The following IRGM variants were observed in gnomAD, a reference collection of about 807,000 sequenced individuals.
The protein encoded by IRGM is immunity related GTPase M.
For missense variants in IRGM, 288 were observed against 219.9 expected (o/e 1.31, Z -1.96); for synonymous variants, 98 against 80.6 (o/e 1.22, Z -1.16).
At chr5:150,880,412 T>G (rs1475693798) in intron 3 of IRGM, among the ~76,000 whole-genome samples, 1 of 152,206 alleles carries the variant, frequency 6.6e-6, no homozygotes, top group African/African-American at 2.4e-5. Flanking sequence ...TTTTAGTAAA[T>G]CTTTCTCTCC....
At chr5:150,890,161 A>C (rs2113298863) in intron 3 of IRGM, among the ~76,000 whole-genome samples, 1 of 152,136 alleles carries the variant, frequency 6.6e-6, no homozygotes, top group African/African-American at 2.4e-5. Flanking sequence ...GAATTTGATA[A>C]GGTTTTACAC....
chr5:150,866,589 A>G (rs935200777), intron 1 of IRGM, among the ~76,000 whole-genome samples: 4 of 152,204 alleles, frequency 2.6e-5, no homozygotes, highest in Non-Finnish European at 4.4e-5. Context: ...TAAAAAGGAG[A>G]GTATAAGTTT....
chr5:150,882,218 C>CA (rs536688617), intron 3 of IRGM, among the ~76,000 whole-genome samples: 7 of 118,930 alleles, frequency 5.9e-5, no homozygotes, highest in East Asian at 2.7e-4. Context: ...GGCCCTGTCT[C>CA]AAAAAAAAGA....
chr5:150,873,988 G>T (rs1239117988), intron 1 of IRGM, among the ~76,000 whole-genome samples: 2 of 152,212 alleles, frequency 1.3e-5, no homozygotes, highest in Non-Finnish European at 2.9e-5. Context: ...AATGACAGTG[G>T]ATTATCATAA....
At chr5:150,892,220 T>TC (rs1754620869) in intron 3 of IRGM, among the ~76,000 whole-genome samples, 1 of 144,112 alleles carries the variant, frequency 6.9e-6, no homozygotes, top group Non-Finnish European at 1.5e-5. Flanking sequence ...TTTTTTTTTT[T>TC]CAATATTGAA....
downstream of IRGM, among the ~76,000 whole-genome samples, chr5:150,849,640 C>T (rs2113249387): frequency 7.9e-6 from 1 of 125,822 alleles, no homozygotes. Context: ...TGGGTTCTTG[C>T]TCTGTCGCCA....
At chr5:150,887,764 C>G (rs1410899275) in intron 3 of IRGM, among the ~76,000 whole-genome samples, 1 of 151,602 alleles carries the variant, frequency 6.6e-6, no homozygotes, top group Non-Finnish European at 1.5e-5. Flanking sequence ...TGAAACCTTA[C>G]AAGCCAGGAA....
chr5:150,893,569 C>T (rs772784186), intron 3 of IRGM, among the ~76,000 whole-genome samples: 9 of 152,042 alleles, frequency 5.9e-5, no homozygotes, highest in Non-Finnish European at 7.4e-5. Flanking sequence ...GTCAGGGCAA[C>T]CATAGGATGC....
chr5:150,900,958 A>C (rs745704337), downstream of IRGM, among the ~76,000 whole-genome samples: 1 of 152,118 alleles, frequency 6.6e-6, no homozygotes, highest in Non-Finnish European at 1.5e-5. Flanking sequence ...ATAATCAGTG[A>C]AAAATTATAC....
rs1390516945 is a variant in IRGM at position 150,848,184 on chromosome 5, A to T, written c.61A>T (p.Asn21Tyr). 1 of 1,551,734 alleles carries T rather than the reference A, an allele frequency of 6.4e-7. No homozygotes were observed. Among genetic ancestry groups the T allele is most frequent in the South Asian group, 1.2e-5 (1 of 84,062 alleles). Reference protein sequence around the residue: ...ADGNLPEVISNIKETLKIVSR... With the variant: ...ADGNLPEVISYIKETLKIVSR... ...TGGGAACTTGCCAGAGGTGATCTCT[A>T]ACATCAAGGAGACTCTGAAGATAGT... The change falls in exon 2 of 2, where the codon AAC (asparagine) becomes TAC (tyrosine). Residue 21 changes from asparagine (N) to tyrosine (Y), a missense_variant. Asn to Tyr is a moderately radical substitution (Grantham distance 143). Transcript: ENST00000522154.
chr5:150,870,699 G>C (rs188385959), intron 1 of IRGM, among the ~76,000 whole-genome samples: 1 of 151,958 alleles, frequency 6.6e-6, no homozygotes, highest in African/African-American at 2.4e-5. Flanking sequence ...CCCATTCCTA[G>C]GTAGGTAACT....
intron 3 of IRGM, among the ~76,000 whole-genome samples, chr5:150,884,426 G>A (rs980091764): frequency 6.6e-6 from 1 of 151,988 alleles, no homozygotes; most frequent in African/African-American, 2.4e-5. Context: ...ATTCCTCTGG[G>A]TATATACCCA....
At chr5:150,862,377 A>T (rs1220655134) in intron 1 of IRGM, among the ~76,000 whole-genome samples, 1 of 152,148 alleles carries the variant, frequency 6.6e-6, no homozygotes, top group African/African-American at 2.4e-5. Context: ...ATTCAAGGAG[A>T]TTGTACAAGG....
chr5:150,875,201 T>A (rs1459559487), intron 1 of IRGM, among the ~76,000 whole-genome samples: 1 of 152,208 alleles, frequency 6.6e-6, no homozygotes, highest in Non-Finnish European at 1.5e-5. Context: ...TAGTGCCTGG[T>A]TCACAGATGG....
intron 3 of IRGM, among the ~76,000 whole-genome samples, chr5:150,887,438 G>A (rs1232368812): frequency 6.6e-6 from 1 of 151,976 alleles, no homozygotes; most frequent in Non-Finnish European, 1.5e-5. Context: ...GAAGTATGGA[G>A]TTATGTAAAG....
At chr5:150,868,333 G>A (rs1224845193) in intron 1 of IRGM, among the ~76,000 whole-genome samples, 1 of 152,076 alleles carries the variant, frequency 6.6e-6, no homozygotes, top group African/African-American at 2.4e-5. Flanking sequence ...TGGTCTATGT[G>A]CCTATTTTTA....
chr5:150,898,478 G>A, intron 3 of IRGM: 3 of 1,613,284 alleles, frequency 1.9e-6, no homozygotes, highest in Non-Finnish European at 2.5e-6. Context: ...CCTGTACAGG[G>A]TCCTCTGAGA....
chr5:150,867,974 A>G (rs1442604830), intron 1 of IRGM, among the ~76,000 whole-genome samples: 2 of 152,020 alleles, frequency 1.3e-5, no homozygotes, highest in Admixed American at 6.6e-5. Flanking sequence ...TGCTGTGCAG[A>G]AAGTTTTTAG....
At chr5:150,878,009 C>A (rs1357191382) in exon 2 of IRGM, 1 of 457,748 alleles carries the variant, frequency 2.2e-6, no homozygotes, top group African/African-American at 2.0e-5. Flanking sequence ...TGTACCCAAA[C>A]CACAGCCACG....
Sources: allele counts gnomAD v4.1 joint callset (sites outside exome capture counted in the v4.1 genomes callset), GRCh38; gene constraint gnomAD v4.1.1; transcripts MANE v1.5; gene names NCBI Gene and HGNC (gene_info 2026-07-23, HGNC 2026-07-21).